Variants in MICU1 observed in about 807,000 individuals in gnomAD.
MICU1 encodes mitochondrial calcium uptake 1.
In MICU1, 45 loss-of-function variants were observed where a neutral mutation model predicts 56.8. That is an observed-to-expected ratio of 0.79 (90% confidence interval 0.62 to 1.02). The LOEUF (loss-of-function observed/expected upper bound fraction) is 1.02, where lower values mean the gene tolerates loss of function less well. Ranked by LOEUF, MICU1 falls within the 50% of genes least tolerant of loss-of-function variation. MICU1 has a pLI of 0.00. For synonymous variants in MICU1, 186 were observed against 195.1 expected, an observed-to-expected ratio of 0.95 and a Z score of 0.39; for missense variants, 504 against 587.1, an observed-to-expected ratio of 0.86 and a Z score of 1.46.
chr10:72,612,591 G>A (rs979415167), intron 1 of MICU1, among the ~76,000 whole-genome samples: 3 of 152,114 alleles, frequency 2.0e-5, no homozygotes, highest in Non-Finnish European at 4.4e-5. Flanking sequence ...GAGGCCAGAA[G>A]TTCCTAACCA....
At chr10:72,453,046 A>C (rs1589234807) in intron 8 of MICU1, among the ~76,000 whole-genome samples, 1 of 152,324 alleles carries the variant, frequency 6.6e-6, no homozygotes, top group East Asian at 1.9e-4. Flanking sequence ...TCCTGGGCCC[A>C]GTTGACAAAG....
intron 8 of MICU1, among the ~76,000 whole-genome samples, chr10:72,443,032 C>T (rs1260061201): frequency 6.6e-6 from 1 of 152,222 alleles, no homozygotes; most frequent in Non-Finnish European, 1.5e-5. Context: ...GCTGGGATTA[C>T]AGGCATCAGC....
At position 72,424,463 on chromosome 10, in the gene MICU1, T is replaced by C. The variant is rs537282011; in HGVS notation, c.934-1092A>G. Among the ~76,000 whole-genome samples, 6 of 152,068 alleles carry C rather than the reference T, an allele frequency of 3.9e-5. No individual in the cohort carries two copies. The East Asian group carries it at 9.7e-4, about 24-fold the overall frequency. On this transcript the variant is annotated intron_variant, in intron 8 of 11. Coordinates refer to ENST00000361114, the MANE Select transcript of MICU1 (RefSeq NM_001195518.2). ...TACTATGGGCCAGGTACTTCACCAA[T>C]ATGTTCTTTTTTTTAATTACTTTTT... is the stretch of plus-strand genomic sequence containing the variant.
intron 6 of MICU1, among the ~76,000 whole-genome samples, chr10:72,480,577 A>AAGGAAAGGAGGCAGTGACAG (rs1866262560): frequency 6.6e-6 from 1 of 152,250 alleles, no homozygotes; most frequent in Non-Finnish European, 1.5e-5. Context: ...GTGCAACGAA[A>AAGGAAAGGAGGCAGTGACAG]AGGAAAGGAG....
chr10:72,385,193 T>C (rs181103060), intron 10 of MICU1, among the ~76,000 whole-genome samples: 3 of 152,136 alleles, frequency 2.0e-5, no homozygotes, highest in South Asian at 2.1e-4. Flanking sequence ...CCTTTATGAA[T>C]GTTAAAAACA....
intron 9 of MICU1, among the ~76,000 whole-genome samples, chr10:72,416,022 C>T (rs868197376): frequency 6.6e-6 from 1 of 152,098 alleles, no homozygotes; most frequent in African/African-American, 2.4e-5. Context: ...ACAGAAAGTA[C>T]TCAGTAAGTG....
chr10:72,464,254 C>T (rs1865720715), intron 8 of MICU1, among the ~76,000 whole-genome samples: 1 of 145,900 alleles, frequency 6.9e-6, no homozygotes, highest in South Asian at 2.1e-4. Flanking sequence ...CGAGATTGTA[C>T]CACTGCACTC....
chr10:72,401,435 C>G (rs1255489530), intron 10 of MICU1, among the ~76,000 whole-genome samples: 1 of 152,156 alleles, frequency 6.6e-6, no homozygotes. Flanking sequence ...GGGCAGATCA[C>G]TTGAGGTCAG....
intron 8 of MICU1, among the ~76,000 whole-genome samples, chr10:72,463,147 T>A (rs2132241271): frequency 6.6e-6 from 1 of 151,936 alleles, no homozygotes; most frequent in East Asian, 1.9e-4. Flanking sequence ...CACTGCAACC[T>A]CCGCCTTCCG....
intron 1 of MICU1, among the ~76,000 whole-genome samples, chr10:72,619,197 C>A (rs1842045304): frequency 6.6e-6 from 1 of 152,162 alleles, no homozygotes; most frequent in Non-Finnish European, 1.5e-5. Context: ...GTAATCCCAG[C>A]ACTTTGGGAG....
intron 5 of MICU1, among the ~76,000 whole-genome samples, chr10:72,516,628 G>C (rs558783142): frequency 2.0e-5 from 3 of 152,060 alleles, no homozygotes; most frequent in Non-Finnish European, 2.9e-5. Flanking sequence ...GTAAGGAAGG[G>C]GTCCAATTTC....
At chr10:72,521,360 C>T (rs1006984744) in intron 5 of MICU1, among the ~76,000 whole-genome samples, 5 of 151,904 alleles carry the variant, frequency 3.3e-5, no homozygotes, top group African/African-American at 1.2e-4. Flanking sequence ...CCCTTAAGCA[C>T]CAATGACCAT....
At chr10:72,381,421 G>A (rs1862699210) in intron 10 of MICU1, among the ~76,000 whole-genome samples, 1 of 152,150 alleles carries the variant, frequency 6.6e-6, no homozygotes, top group Non-Finnish European at 1.5e-5. Context: ...CATGTGTCCT[G>A]TCTTTTGTAT....
rs1359465829 is a variant in MICU1 at position 72,569,230 on chromosome 10, TATATATA to T, written c.-1-2443_-1-2437del. Among the ~76,000 whole-genome samples the T allele has an allele frequency of 6.4e-4, 37 of 57,674 alleles. 1 individual carries two copies. Among genetic ancestry groups the T allele is most frequent in the South Asian group, 6.3e-3 (10 of 1,578 alleles). The allele number at this position is 57,674 out of a possible 152,430, so 37.8% of individuals were successfully genotyped here. On this transcript the variant is annotated intron_variant, in intron 1 of 11. Coordinates refer to ENST00000361114, the MANE Select transcript of MICU1 (RefSeq NM_001195518.2). The stretch of plus-strand genomic sequence containing the variant: ...GCATATATATATATATATATATATA[TATATATA>T]TTTTTTTTTTTTTTTGAGATGGCGT...
At chr10:72,461,672 G>A (rs1285364497) in intron 8 of MICU1, among the ~76,000 whole-genome samples, 1 of 152,152 alleles carries the variant, frequency 6.6e-6, no homozygotes, top group East Asian at 1.9e-4. Flanking sequence ...ACTCTGAGCC[G>A]GGCACAGTGG....
At chr10:72,557,256 A>G (rs1298614971) in intron 3 of MICU1, among the ~76,000 whole-genome samples, 1 of 152,316 alleles carries the variant, frequency 6.6e-6, no homozygotes, top group African/African-American at 2.4e-5. Flanking sequence ...ACAGGAATTG[A>G]TAAGTTCCTT....
At chr10:72,621,345 A>C (rs577998858) in intron 1 of MICU1, among the ~76,000 whole-genome samples, 91 of 151,942 alleles carry the variant, frequency 6.0e-4, no homozygotes, top group African/African-American at 2.1e-3. Flanking sequence ...AAAAAAAAAT[A>C]GCCAGCCGTG....
chr10:72,563,185 A>T (rs1840343333), intron 2 of MICU1, 122 bp from the exon 3 acceptor site: 4 of 671,270 alleles, frequency 6.0e-6, no homozygotes, highest in Non-Finnish European at 8.8e-6. Flanking sequence ...CTACATGAAG[A>T]AGTTCCTCAA....
intron 1 of MICU1, among the ~76,000 whole-genome samples, chr10:72,584,618 T>A (rs1444201198): frequency 6.6e-6 from 1 of 151,870 alleles, no homozygotes; most frequent in East Asian, 1.9e-4. Context: ...AGTGGTGCAA[T>A]GATGGCTCAC....
Sources: gnomAD v4.1 joint callset for allele counts (sites outside exome capture counted in the v4.1 genomes callset) on GRCh38, gnomAD v4.1.1 for gene constraint, MANE v1.5 for transcripts, NCBI Gene and HGNC (gene_info 2026-07-23, HGNC 2026-07-21) for gene names.